THSD4: variants seen among roughly 807,000 people sequenced by gnomAD.
THSD4 encodes the protein thrombospondin type-1 domain-containing protein 4.
A neutral mutation model predicts 119.0 loss-of-function variants in THSD4; 69 were observed. The ratio of observed to expected loss-of-function variants is 0.58; its 90% CI spans 0.48 to 0.71. The LOEUF is 0.71. THSD4 is among the 30% of genes least tolerant of loss of function. The pLI, the probability that THSD4 is intolerant of heterozygous loss-of-function variation, is 0.00. For missense variants in THSD4, 1,393 were observed against 1,391.1 expected (o/e 1.00, Z -0.02); for synonymous variants, 524 against 540.4 (o/e 0.97, Z 0.42).
chr15:71,748,650 A>G, intron 14 of THSD4, 56 bp downstream of exon 14: 10 of 1,589,472 alleles, frequency 6.3e-6, no homozygotes, highest in Non-Finnish European at 7.7e-6. Flanking sequence ...GTGCCTCCAA[A>G]ACCACACAAA....
chr15:71,582,608 A>T (rs2049581022), intron 7 of THSD4, among the ~76,000 whole-genome samples: 1 of 152,130 alleles, frequency 6.6e-6, no homozygotes, highest in African/African-American at 2.4e-5. Flanking sequence ...GTATGGCTTT[A>T]GCTGTGGGCT....
intron 7 of THSD4, among the ~76,000 whole-genome samples, chr15:71,630,138 C>T (rs1157360804): frequency 2.0e-5 from 3 of 152,164 alleles, no homozygotes; most frequent in East Asian, 3.9e-4. Context: ...TAAAGTCCCC[C>T]AGTAAAAAAA....
intron 8 of THSD4, among the ~76,000 whole-genome samples, chr15:71,706,933 G>A (rs2052403988): frequency 6.6e-6 from 1 of 152,172 alleles, no homozygotes; most frequent in African/African-American, 2.4e-5. Context: ...TATGTTTCCT[G>A]GAGGATGGAG....
chr15:71,653,846 T>C (rs1329852022), intron 7 of THSD4, among the ~76,000 whole-genome samples: 1 of 152,152 alleles, frequency 6.6e-6, no homozygotes, highest in Non-Finnish European at 1.5e-5. Flanking sequence ...TTGGAACAAA[T>C]CAAGTGGGTG....
intron 8 of THSD4, among the ~76,000 whole-genome samples, chr15:71,676,174 T>G (rs2141021957): frequency 6.6e-6 from 1 of 152,344 alleles, no homozygotes; most frequent in African/African-American, 2.4e-5. Context: ...GTGTTTTTTC[T>G]TTTTTTATTG....
intron 7 of THSD4, among the ~76,000 whole-genome samples, chr15:71,447,789 G>A (rs2047207072): frequency 6.6e-6 from 1 of 152,150 alleles, no homozygotes; most frequent in African/African-American, 2.4e-5. Flanking sequence ...GAGGTCCTGG[G>A]CTAATAAACA....
In THSD4 at chr15:71,700,076, T is replaced by C. The variant is rs2052253444; in HGVS notation, c.1358-28473T>C. On this transcript the variant is annotated intron_variant, in intron 8 of 17. Transcript: ENST00000261862. ...AAAAGATAAGGATACTCAATATCAC[T>C]ATGAAGGTTCCAGCCAATGAAATGA... Among the ~76,000 whole-genome samples, 2 of 152,122 alleles carry C rather than the reference T, an allele frequency of 1.3e-5. 1 individual carries two copies. The highest frequency in any genetic ancestry group is 1.3e-4 in the Admixed American group (2 of 15,266).
chr15:71,339,820 A>G (rs1480919427), intron 6 of THSD4, among the ~76,000 whole-genome samples: 2 of 152,024 alleles, frequency 1.3e-5, no homozygotes, highest in East Asian at 3.9e-4. Flanking sequence ...GCTAGAGTGC[A>G]GTGGCGCGAT....
At chr15:71,771,514 A>G (rs1464102796) in intron 17 of THSD4, among the ~76,000 whole-genome samples, 1 of 152,166 alleles carries the variant, frequency 6.6e-6, no homozygotes, top group Non-Finnish European at 1.5e-5. Context: ...GTCAACTTTT[A>G]ATTGTAGGTG....
At chr15:71,668,911 C>T (rs998401431) in intron 8 of THSD4, among the ~76,000 whole-genome samples, 3 of 152,174 alleles carry the variant, frequency 2.0e-5, no homozygotes, top group African/African-American at 7.2e-5. Context: ...AGAAACTGAG[C>T]AAATTCTTGG....
chr15:71,374,813 A>G (rs1426381999), intron 6 of THSD4, among the ~76,000 whole-genome samples: 1 of 152,224 alleles, frequency 6.6e-6, no homozygotes, highest in African/African-American at 2.4e-5. Context: ...CTCAAGCAAG[A>G]GACTATTCAC....
chr15:71,112,134 T>A (rs750342581), upstream of THSD4: 1 of 1,613,602 alleles, frequency 6.2e-7, no homozygotes, highest in Admixed American at 1.7e-5. Flanking sequence ...CCTCAGAGAT[T>A]TGGGAGCCCT....
intron 1 of THSD4, among the ~76,000 whole-genome samples, chr15:71,118,789 A>G (rs889889575): frequency 7.2e-5 from 11 of 152,262 alleles, no homozygotes; most frequent in African/African-American, 2.7e-4. Context: ...CTGGAAGCCA[A>G]CACATGATGC....
chr15:71,508,631 A>C (rs956015798), intron 7 of THSD4, among the ~76,000 whole-genome samples: 3 of 152,158 alleles, frequency 2.0e-5, no homozygotes, highest in African/African-American at 7.2e-5. Flanking sequence ...CTGCAAAGTA[A>C]AGGGGGTGAG....
chr15:71,634,565 G>A (rs4777424), intron 7 of THSD4, among the ~76,000 whole-genome samples: 41,063 of 152,132 alleles, frequency 0.27, 6,270 homozygotes, highest in East Asian at 0.62. Context: ...AGATTTAGGA[G>A]AAGGGATCTT....
At chr15:71,635,339 C>T (rs1404852536) in intron 7 of THSD4, among the ~76,000 whole-genome samples, 1 of 149,216 alleles carries the variant, frequency 6.7e-6, no homozygotes, top group Non-Finnish European at 1.5e-5. Flanking sequence ...ACAATCTCTG[C>T]CAAGCAGGAG....
At chr15:71,452,972 T>C (rs1201949411) in intron 7 of THSD4, among the ~76,000 whole-genome samples, 4 of 152,154 alleles carry the variant, frequency 2.6e-5, no homozygotes, top group Admixed American at 2.6e-4. Context: ...ATGAAATTGG[T>C]GCTCTTATAA....
At chr15:71,699,860 G>A (rs920367649) in intron 8 of THSD4, among the ~76,000 whole-genome samples, 1 of 152,136 alleles carries the variant, frequency 6.6e-6, no homozygotes, top group Non-Finnish European at 1.5e-5. Flanking sequence ...GCACCAAGAT[G>A]TTAAGAGAAA....
At chr15:71,506,198 T>C (rs960055503) in intron 7 of THSD4, among the ~76,000 whole-genome samples, 8 of 152,222 alleles carry the variant, frequency 5.3e-5, no homozygotes, top group African/African-American at 1.9e-4. Context: ...GTGGTTTTGC[T>C]GATCTAGATC....
Sources: allele counts gnomAD v4.1 joint callset (sites outside exome capture counted in the v4.1 genomes callset), GRCh38; gene constraint gnomAD v4.1.1; transcripts MANE v1.5; gene names NCBI Gene and HGNC (gene_info 2026-07-23, HGNC 2026-07-21).